The following NAALADL2 variants were observed in gnomAD, a reference collection of about 807,000 sequenced individuals.
NAALADL2 encodes the protein N-acetylated alpha-linked acidic dipeptidase like 2, also known as inactive N-acetylated-alpha-linked acidic dipeptidase-like protein 2.
Under a neutral mutation model 87.2 loss-of-function variants are expected in NAALADL2, and 76 were observed. The ratio of observed to expected loss-of-function variants is 0.87; its 90% CI spans 0.72 to 1.05. NAALADL2 has a LOEUF of 1.05. Among genes scored for constraint, NAALADL2 ranks in the 50% least tolerant of loss-of-function variants. The pLI is 0.00. For synonymous variants in NAALADL2, 354 were observed against 331.0 expected (o/e 1.07, Z -0.75); for missense variants, 1,089 against 945.8 (o/e 1.15, Z -1.99).
At chr3:175,400,973 A>C (rs898313659) in intron 5 of NAALADL2, among the ~76,000 whole-genome samples, 7 of 152,168 alleles carry the variant, frequency 4.6e-5, no homozygotes, top group Non-Finnish European at 1.0e-4. Flanking sequence ...TAGAAAAGCC[A>C]ATCAGCCTTT....
rs1395061107 is a variant in NAALADL2, at chr3:174,706,623, A to C, written c.-114-31018A>C. ...CTGATGGTAGTTTCTTTTGCTGTGC[A>C]GAAGCTCTTTAGTTTAATTAGATCC... On this transcript the variant is annotated intron_variant, in intron 2 of 3. Coordinates refer to the NAALADL2 transcript ENST00000434257. Among the ~76,000 whole-genome samples, 6 of 152,354 alleles carry C rather than the reference A, an allele frequency of 3.9e-5. No homozygotes were observed. The East Asian group carries it at 1.2e-3, about 29-fold the overall frequency.
At chr3:174,760,548 G>A (rs1277436525) in intron 3 of NAALADL2, among the ~76,000 whole-genome samples, 1 of 152,162 alleles carries the variant, frequency 6.6e-6, no homozygotes, top group Non-Finnish European at 1.5e-5. Flanking sequence ...TATTCATGGT[G>A]GAGAATTTAA....
chr3:175,533,503 G>A (rs1222221138), intron 9 of NAALADL2, among the ~76,000 whole-genome samples: 3 of 152,152 alleles, frequency 2.0e-5, no homozygotes, highest in African/African-American at 4.8e-5. Context: ...AGCATGGGTC[G>A]GGGAGGGGAT....
At chr3:174,755,832 A>T (rs537142003) in intron 3 of NAALADL2, among the ~76,000 whole-genome samples, 1 of 152,354 alleles carries the variant, frequency 6.6e-6, no homozygotes, top group East Asian at 1.9e-4. Context: ...CTCCATAGTT[A>T]TCTTTTAATG....
upstream of NAALADL2, among the ~76,000 whole-genome samples, chr3:174,855,086 G>A (rs893120028): frequency 4.6e-5 from 7 of 151,898 alleles, no homozygotes; most frequent in African/African-American, 1.7e-4. Context: ...TGATCCGCCC[G>A]CCTTGGCCTC....
In NAALADL2 at chr3:175,440,909, T is replaced by A. The variant is rs570890083; in HGVS notation, c.1091-6320T>A. 1.4e-4 allele frequency among the ~76,000 whole-genome samples: 21 copies of A among 152,300 alleles called. No individual in the cohort carries two copies. The East Asian group carries it at 4.0e-3, about 29-fold the overall frequency. On this transcript the variant is annotated intron_variant, in intron 5 of 13. Transcript: ENST00000454872. ...CTTGTCTGATTGCTCTGGCTAGGAC[T>A]TCCTCTATGTCCATTTCAAATTTGT...
At chr3:174,684,303 CTGAA>C (rs1292057236) in intron 2 of NAALADL2, among the ~76,000 whole-genome samples, 2 of 152,052 alleles carry the variant, frequency 1.3e-5, no homozygotes, top group Non-Finnish European at 2.9e-5. Flanking sequence ...TTAAACACGA[CTGAA>C]TGGGTATTCA....
chr3:175,702,326 T>C (rs1265169932), intron 11 of NAALADL2, among the ~76,000 whole-genome samples: 1 of 152,154 alleles, frequency 6.6e-6, no homozygotes, highest in Non-Finnish European at 1.5e-5. Context: ...GAATCTGTAA[T>C]ATAAAGTTAA....
At chr3:175,299,432 C>CT (rs60864701) in intron 4 of NAALADL2, among the ~76,000 whole-genome samples, 26,554 of 150,864 alleles carry the variant, frequency 0.18, 2,946 homozygotes, top group African/African-American at 0.32. Context: ...AGCATGGAAT[C>CT]TTTTTTTTTC....
At chr3:174,966,187 T>C (rs1742835650) in intron 1 of NAALADL2, among the ~76,000 whole-genome samples, 1 of 152,194 alleles carries the variant, frequency 6.6e-6, no homozygotes, top group African/African-American at 2.4e-5. Flanking sequence ...AAAACACTTT[T>C]CTGCATAAAT....
Position 174,684,289 on chromosome 3 carries a change from CTATT to C in NAALADL2, c.-114-53349_-114-53346del, listed in dbSNP as rs1351839301. 2.0e-4 allele frequency among the ~76,000 whole-genome samples: 31 copies of C among 152,126 alleles called. No individual in the cohort carries two copies. The East Asian group carries it at 5.8e-3, about 28-fold the overall frequency. ...CTTTACTTGATCAACAAATTGCAGACTATTTAAACACGACTGAATGGGTATTCAA... is the reference window on the plus strand; with the variant it reads ...CTTTACTTGATCAACAAATTGCAGACTAAACACGACTGAATGGGTATTCAA... On this transcript the variant is annotated intron_variant, in intron 2 of 3. Transcript: ENST00000434257.
At chr3:174,826,027 C>G (rs1480612141) in intron 3 of NAALADL2, among the ~76,000 whole-genome samples, 1 of 130,014 alleles carries the variant, frequency 7.7e-6, no homozygotes, top group Non-Finnish European at 1.6e-5. Context: ...GACTCCATCT[C>G]AAACAACAAC....
At chr3:175,761,139 AT>A (rs1416294163) in intron 13 of NAALADL2, among the ~76,000 whole-genome samples, 2 of 152,194 alleles carry the variant, frequency 1.3e-5, no homozygotes, top group Admixed American at 1.3e-4. Flanking sequence ...CAAATGTATA[AT>A]AATATGTACC....
At chr3:175,785,979 G>C (rs1211464011) in intron 13 of NAALADL2, among the ~76,000 whole-genome samples, 1 of 151,924 alleles carries the variant, frequency 6.6e-6, no homozygotes, top group African/African-American at 2.4e-5. Flanking sequence ...AGTTTGGCTG[G>C]ATATGAAATT....
At chr3:174,487,159 A>G (rs1343347193) in intron 1 of NAALADL2, among the ~76,000 whole-genome samples, 3 of 152,004 alleles carry the variant, frequency 2.0e-5, no homozygotes, top group African/African-American at 7.2e-5. Context: ...GTACCAACCC[A>G]AAGGAGAAAC....
At chr3:175,293,674 T>C (rs1211401314) in intron 4 of NAALADL2, among the ~76,000 whole-genome samples, 1 of 152,112 alleles carries the variant, frequency 6.6e-6, no homozygotes, top group African/African-American at 2.4e-5. Flanking sequence ...CAGAGACCTC[T>C]TTCACTCTTT....
chr3:175,545,374 T>A (rs1200575837), intron 9 of NAALADL2, among the ~76,000 whole-genome samples: 1 of 152,130 alleles, frequency 6.6e-6, no homozygotes, highest in Non-Finnish European at 1.5e-5. Context: ...TTATATTTAC[T>A]AATTTATTAA....
At chr3:175,716,977 A>C (rs527903126) in intron 11 of NAALADL2, among the ~76,000 whole-genome samples, 2 of 152,320 alleles carry the variant, frequency 1.3e-5, no homozygotes, top group Non-Finnish European at 2.9e-5. Flanking sequence ...AGAATGAATA[A>C]TACCAAACCT....
rs1731911509 is a variant in NAALADL2 at position 174,898,606 on chromosome 3, T to C, written c.43+39156T>C. On this transcript the variant is annotated intron_variant, in intron 1 of 13. Coordinates refer to ENST00000454872, the MANE Select transcript of NAALADL2 (RefSeq NM_207015.3). Reference sequence around the variant, plus strand: ...ATTGCGTGCTTGTGTTAAGTACATATCAGGTACTGCATAAATTTATACATC... The same window carrying C: ...ATTGCGTGCTTGTGTTAAGTACATACCAGGTACTGCATAAATTTATACATC... Among the ~76,000 whole-genome samples the C allele has an allele frequency of 4.6e-5, 7 of 152,140 alleles. No homozygotes were observed. The South Asian group carries it at 1.0e-3, about 23-fold the overall frequency.
Sources: gnomAD v4.1 joint callset for allele counts (sites outside exome capture counted in the v4.1 genomes callset) on GRCh38, gnomAD v4.1.1 for gene constraint, MANE v1.5 for transcripts, NCBI Gene and HGNC (gene_info 2026-07-23, HGNC 2026-07-21) for gene names.